Variants in TSEN15 observed in about 807,000 individuals in gnomAD.
The protein encoded by TSEN15 is tRNA-splicing endonuclease subunit Sen15.
A neutral mutation model predicts 20.5 loss-of-function variants in TSEN15; 10 were observed. The observed-to-expected ratio is 0.49, with a 90% CI of 0.30 to 0.83. TSEN15 has a LOEUF of 0.83. Among genes scored for constraint, TSEN15 ranks in the 40% least tolerant of loss-of-function variants. The probability of loss-of-function intolerance (pLI) is 0.06; values close to 1 mark genes in which losing one functional copy is unlikely to be tolerated. For synonymous variants in TSEN15, 72 were observed against 80.1 expected (o/e 0.90, Z 0.54); for missense variants, 180 against 218.6 (o/e 0.82, Z 1.11).
At chr1:184,070,562 A>G (rs1271868241) in intron 3 of TSEN15, 1 of 844,802 alleles carries the variant, frequency 1.2e-6, no homozygotes, top group Admixed American at 3.3e-5. Context: ...AAAAAAATTA[A>G]TTCAAGATGG....
At chr1:184,072,494 G>T in intron 4 of TSEN15, 196 bp downstream of exon 4, 1 of 567,728 alleles carries the variant, frequency 1.8e-6, no homozygotes, top group South Asian at 2.9e-5. Flanking sequence ...AGTTATTTTT[G>T]CAAAAAAAAA....
chr1:184,055,789 C>G (rs1239068143), intron 3 of TSEN15, among the ~76,000 whole-genome samples: 1 of 151,564 alleles, frequency 6.6e-6, no homozygotes, highest in Non-Finnish European at 1.5e-5. Context: ...TATTTATTTA[C>G]TTAGTTATTT....
intron 3 of TSEN15, among the ~76,000 whole-genome samples, chr1:184,063,695 A>G (rs1352920731): frequency 6.6e-6 from 1 of 152,100 alleles, no homozygotes; most frequent in Non-Finnish European, 1.5e-5. Context: ...TTTAAAGGAC[A>G]TGATTAAAGA....
chr1:184,072,612 A>C (rs1650927068), intron 4 of TSEN15: 1 of 593,454 alleles, frequency 1.7e-6, no homozygotes. Context: ...GTAAAGGCTA[A>C]TAATAGTTGT....
chr1:184,092,984 A>G (rs1236095822), intron 3 of TSEN15, among the ~76,000 whole-genome samples: 1 of 152,136 alleles, frequency 6.6e-6, no homozygotes, highest in Admixed American at 6.5e-5. Flanking sequence ...CCTGGCATGA[A>G]CCTAGTACCT....
intron 3 of TSEN15, among the ~76,000 whole-genome samples, chr1:184,061,685 T>A (rs1650461445): frequency 6.6e-6 from 1 of 152,194 alleles, no homozygotes; most frequent in South Asian, 2.1e-4. Flanking sequence ...ATGGTGTATA[T>A]GTATTTTCTG....
At chr1:184,092,268 A>C (rs189144130) in intron 3 of TSEN15, among the ~76,000 whole-genome samples, 1 of 152,196 alleles carries the variant, frequency 6.6e-6, no homozygotes, top group Non-Finnish European at 1.5e-5. Flanking sequence ...ATTGTTCTCA[A>C]CCCATAGAAG....
chr1:184,093,161 AG>A (rs1293703438), intron 3 of TSEN15, among the ~76,000 whole-genome samples: 1 of 152,224 alleles, frequency 6.6e-6, no homozygotes, highest in African/African-American at 2.4e-5. Flanking sequence ...GAGTGGCAAG[AG>A]TAGGCAGCAA....
At chr1:184,086,681 C>T (rs1207584418) in intron 3 of TSEN15, among the ~76,000 whole-genome samples, 1 of 152,108 alleles carries the variant, frequency 6.6e-6, no homozygotes, top group Non-Finnish European at 1.5e-5. Context: ...CACCTTGGGT[C>T]TCCTCATGAT....
exon 4 of TSEN15, chr1:184,095,730 G>C (rs1457093741): frequency 7.5e-5 from 30 of 398,152 alleles, no homozygotes; most frequent in Non-Finnish European, 1.3e-5. Context: ...ACAGCAAGAA[G>C]GTGGCTGTCT....
chr1:184,076,264 CT>C (rs1008737951), downstream of TSEN15, among the ~76,000 whole-genome samples: 21 of 152,076 alleles, frequency 1.4e-4, no homozygotes, highest in Non-Finnish European at 2.6e-4. Flanking sequence ...ATATTTTAAA[CT>C]TTTTTTATTA....
intron 3 of TSEN15, among the ~76,000 whole-genome samples, chr1:184,066,684 G>A (rs1246177985): frequency 1.3e-5 from 2 of 152,158 alleles, no homozygotes; most frequent in Non-Finnish European, 2.9e-5. Context: ...GGGGTTACAG[G>A]TGTGAGCCAC....
At chr1:184,090,391 G>C (rs143677866) in intron 3 of TSEN15, among the ~76,000 whole-genome samples, 1 of 152,272 alleles carries the variant, frequency 6.6e-6, no homozygotes, top group South Asian at 2.1e-4. Flanking sequence ...TGTTGATTGT[G>C]GTGGTGTTTC....
intron 3 of TSEN15, among the ~76,000 whole-genome samples, chr1:184,065,220 C>A (rs997496380): frequency 6.6e-6 from 1 of 151,634 alleles, no homozygotes; most frequent in Non-Finnish European, 1.5e-5. Flanking sequence ...TTTTTTAGAC[C>A]AATTTTAGAT....
chr1:184,077,378 T>G (rs1260270549), downstream of TSEN15, among the ~76,000 whole-genome samples: 1 of 152,166 alleles, frequency 6.6e-6, no homozygotes, highest in African/African-American at 2.4e-5. Flanking sequence ...AAGATTTCTT[T>G]CAAAATATTA....
At chr1:184,068,201 G>A (rs1650759634) in intron 3 of TSEN15, among the ~76,000 whole-genome samples, 1 of 151,260 alleles carries the variant, frequency 6.6e-6, no homozygotes, top group Non-Finnish European at 1.5e-5. Flanking sequence ...TCTTTCTTTG[G>A]AACATCTCTG....
At chr1:184,080,504 T>C (rs1253297228) in intron 3 of TSEN15, among the ~76,000 whole-genome samples, 1 of 152,184 alleles carries the variant, frequency 6.6e-6, no homozygotes, top group Non-Finnish European at 1.5e-5. Flanking sequence ...GAAAAAATTA[T>C]TCAGTCCTGG....
intron 3 of TSEN15, among the ~76,000 whole-genome samples, chr1:184,064,400 A>G (rs1650572095): frequency 6.6e-6 from 1 of 152,164 alleles, no homozygotes; most frequent in Non-Finnish European, 1.5e-5. Flanking sequence ...GTAATGGCAG[A>G]GAGAGTACCT....
intron 3 of TSEN15, among the ~76,000 whole-genome samples, chr1:184,093,222 T>G (rs1651390485): frequency 6.6e-6 from 1 of 152,216 alleles, no homozygotes; most frequent in Non-Finnish European, 1.5e-5. Context: ...AGTCAATCAC[T>G]GCCAGGCCTT....
Sources: allele counts gnomAD v4.1 joint callset (sites outside exome capture counted in the v4.1 genomes callset), GRCh38; gene constraint gnomAD v4.1.1; transcripts MANE v1.5; gene names NCBI Gene and HGNC (gene_info 2026-07-23, HGNC 2026-07-21).